Variants in HSD17B2 observed in about 807,000 individuals in gnomAD.
HSD17B2 encodes the protein hydroxysteroid 17-beta dehydrogenase 2.
HSD17B2 carries 32 observed loss-of-function variants against 26.9 expected under a neutral mutation model. That is an observed-to-expected ratio of 1.19 (90% confidence interval 0.90 to 1.60). HSD17B2 has a LOEUF of 1.60. Ranked by LOEUF, HSD17B2 falls within the 40% of genes most tolerant of loss-of-function variation. HSD17B2 has a pLI of 0.00. For missense variants in HSD17B2, 613 were observed against 468.6 expected (o/e 1.31, Z -2.85); for synonymous variants, 246 against 186.7 (o/e 1.32, Z -2.59).
intron 1 of HSD17B2, among the ~76,000 whole-genome samples, chr16:82,041,799 C>A (rs796101152): frequency 3.9e-5 from 6 of 152,302 alleles, no homozygotes; most frequent in African/African-American, 1.4e-4. Context: ...CTCTACCCAG[C>A]AGCAAAGTCA....
intron 2 of HSD17B2, among the ~76,000 whole-genome samples, chr16:82,070,041 G>A (rs8191163): frequency 0.068 from 10,375 of 152,140 alleles, 1,204 homozygotes; most frequent in African/African-American, 0.23. Flanking sequence ...TTACTATATT[G>A]CCAACCTAAT....
chr16:82,073,737 G>A (rs1197000999), intron 3 of HSD17B2, among the ~76,000 whole-genome samples: 1 of 152,068 alleles, frequency 6.6e-6, no homozygotes, highest in African/African-American at 2.4e-5. Flanking sequence ...TCATGTTCAT[G>A]GATAAGAAGA....
Position 82,083,520 on chromosome 16 carries a change from G to C in HSD17B2, c.665-7382G>C, listed in dbSNP as rs75244266. Among the ~76,000 whole-genome samples, 1,022 of 152,200 alleles carry C rather than the reference G, an allele frequency of 6.7e-3. 16 individuals are homozygous for C. Among genetic ancestry groups the C allele is most frequent in the African/African-American group, 0.023 (935 of 41,518 alleles). On this transcript the variant is annotated intron_variant, in intron 3 of 4. Coordinates refer to ENST00000199936, the MANE Select transcript of HSD17B2 (RefSeq NM_002153.3). ...GTAATTGCTTCTTCTGGGGTCCATGGAGAGATGAGATGAAATAACACATGT... is the reference window on the plus strand; with the variant it reads ...GTAATTGCTTCTTCTGGGGTCCATGCAGAGATGAGATGAAATAACACATGT...
chr16:82,067,890 A>T (rs1914608778), intron 1 of HSD17B2, among the ~76,000 whole-genome samples: 1 of 151,978 alleles, frequency 6.6e-6, no homozygotes, highest in Admixed American at 6.6e-5. Flanking sequence ...GCCACCAGCC[A>T]CTCCTGGACT....
At chr16:82,068,816 T>C (rs530414120) in intron 2 of HSD17B2, among the ~76,000 whole-genome samples, 3 of 152,324 alleles carry the variant, frequency 2.0e-5, no homozygotes, top group African/African-American at 4.8e-5. Flanking sequence ...TGTGATTCTC[T>C]TCCTCACCTT....
At chr16:82,048,851 T>C (rs1244031785) in intron 1 of HSD17B2, among the ~76,000 whole-genome samples, 1 of 152,230 alleles carries the variant, frequency 6.6e-6, no homozygotes, top group Non-Finnish European at 1.5e-5. Flanking sequence ...GTCAGTAGAA[T>C]AGTTATGAGA....
intron 3 of HSD17B2, among the ~76,000 whole-genome samples, chr16:82,086,205 T>C (rs1904522702): frequency 6.6e-6 from 1 of 152,128 alleles, no homozygotes; most frequent in Admixed American, 6.6e-5. Flanking sequence ...TTATTCACAA[T>C]AGCCAAAGGT....
chr16:82,035,484 T>C lies in HSD17B2; in HGVS notation c.60T>C (p.Cys20=), dbSNP rs1396637617. ...WICLAVPTVL[C]GTVFCKYKKS... ...GCCTGGCTGTCCCCACAGTACTATGTGGGACAGTATTTTGCAAATACAAGA... is the reference window on the plus strand; with the variant it reads ...GCCTGGCTGTCCCCACAGTACTATGCGGGACAGTATTTTGCAAATACAAGA... The change falls in exon 1 of 5, where the codon TGT becomes TGC. Residue 20 remains cysteine, a synonymous_variant. Coordinates refer to ENST00000199936, the MANE Select transcript of HSD17B2 (RefSeq NM_002153.3). 5.6e-6 allele frequency: 9 copies of C among 1,613,976 alleles called. No individual in the cohort carries two copies. The highest frequency in any genetic ancestry group is 7.6e-6 in the Non-Finnish European group (9 of 1,179,914).
At chr16:82,082,890 G>A (rs1252315928) in intron 3 of HSD17B2, among the ~76,000 whole-genome samples, 1 of 152,122 alleles carries the variant, frequency 6.6e-6, no homozygotes, top group Non-Finnish European at 1.5e-5. Context: ...AGGTCAGAAG[G>A]GTTCAGTGAC....
chr16:82,085,336 G>A (rs538457923), intron 3 of HSD17B2, among the ~76,000 whole-genome samples: 1 of 152,188 alleles, frequency 6.6e-6, no homozygotes, highest in African/African-American at 2.4e-5. Context: ...GAGCAAGACT[G>A]AGTGAACCTC....
intron 1 of HSD17B2, among the ~76,000 whole-genome samples, chr16:82,059,595 G>A (rs185248298): frequency 1.3e-5 from 2 of 152,292 alleles, no homozygotes; most frequent in East Asian, 3.9e-4. Flanking sequence ...CATGAAGCCA[G>A]GGAGTATTTG....
rs575669517 is a variant in HSD17B2 at position 82,051,764 on chromosome 16, C to T, written c.265+16075C>T. Among the ~76,000 whole-genome samples, 65 of 152,328 alleles carry T rather than the reference C, an allele frequency of 4.3e-4. 1 individual carries two copies. The South Asian group carries it at 5.4e-3, about 13-fold the overall frequency. On this transcript the variant is annotated intron_variant, in intron 1 of 4. Coordinates refer to ENST00000199936, the MANE Select transcript of HSD17B2 (RefSeq NM_002153.3). ...AAAAAGAAAAAAAGAGCATGGACTT[C>T]GGAATCGTTAGTTGCAGCTTCTCAG... is the stretch of plus-strand genomic sequence containing the variant.
intron 3 of HSD17B2, among the ~76,000 whole-genome samples, chr16:82,090,509 G>A (rs1448950082): frequency 6.6e-6 from 1 of 151,838 alleles, no homozygotes; most frequent in Non-Finnish European, 1.5e-5. Context: ...AGTAGAGACG[G>A]AGCTTCACCA....
At chr16:82,082,053 T>C (rs1182060932) in intron 3 of HSD17B2, among the ~76,000 whole-genome samples, 1 of 152,136 alleles carries the variant, frequency 6.6e-6, no homozygotes, top group Non-Finnish European at 1.5e-5. Flanking sequence ...AATAAGAGCT[T>C]CTTTACCCCT....
intron 3 of HSD17B2, among the ~76,000 whole-genome samples, chr16:82,079,200 A>T (rs968029917): frequency 6.6e-6 from 1 of 152,172 alleles, no homozygotes; most frequent in African/African-American, 2.4e-5. Context: ...AAAGAAACAA[A>T]GCTCTGAAAT....
intron 4 of HSD17B2, chr16:82,097,318 G>A (rs1401448455): frequency 4.0e-5 from 6 of 149,322 alleles, no homozygotes; most frequent in African/African-American, 7.5e-5. Flanking sequence ...ATATATATGT[G>A]TGTGTATATA....
chr16:82,089,838 A>T (rs150177485), intron 3 of HSD17B2, among the ~76,000 whole-genome samples: 71 of 152,204 alleles, frequency 4.7e-4, no homozygotes, highest in African/African-American at 1.4e-3. Flanking sequence ...TTTAGGGCCC[A>T]TCCTAATCCA....
chr16:82,078,391 C>T (rs994886267), intron 3 of HSD17B2, among the ~76,000 whole-genome samples: 1 of 152,108 alleles, frequency 6.6e-6, no homozygotes, highest in Non-Finnish European at 1.5e-5. Flanking sequence ...AATAACAAAT[C>T]CTGGTAAGGA....
At chr16:82,087,362 T>G (rs1005798766) in intron 3 of HSD17B2, among the ~76,000 whole-genome samples, 1 of 152,202 alleles carries the variant, frequency 6.6e-6, no homozygotes, top group Non-Finnish European at 1.5e-5. Flanking sequence ...AATGAAGGGT[T>G]ACATAACGTC....
Sources: allele counts gnomAD v4.1 joint callset (sites outside exome capture counted in the v4.1 genomes callset), GRCh38; gene constraint gnomAD v4.1.1; transcripts MANE v1.5; gene names NCBI Gene and HGNC (gene_info 2026-07-23, HGNC 2026-07-21).